CNTNAP2: variants seen among roughly 807,000 people sequenced by gnomAD.
The protein encoded by CNTNAP2 is contactin-associated protein-like 2.
Under a neutral mutation model 155.2 loss-of-function variants are expected in CNTNAP2, and 98 were observed. The ratio of observed to expected loss-of-function variants is 0.63; its 90% CI spans 0.54 to 0.75. The LOEUF is 0.75. CNTNAP2 is among the 30% of genes least tolerant of loss of function. The probability of loss-of-function intolerance (pLI) is 0.00; values close to 1 mark genes in which losing one functional copy is unlikely to be tolerated. For synonymous variants in CNTNAP2, 651 were observed against 631.2 expected, an observed-to-expected ratio of 1.03 and a Z score of -0.47; for missense variants, 1,727 against 1,688.1, an observed-to-expected ratio of 1.02 and a Z score of -0.40.
intron 4 of CNTNAP2, among the ~76,000 whole-genome samples, chr7:147,098,209 A>G (rs1399126082): frequency 6.6e-5 from 10 of 152,044 alleles, no homozygotes; most frequent in Non-Finnish European, 1.3e-4. Flanking sequence ...GCAAACCTGG[A>G]CATGCATTTT....
At chr7:148,002,934 A>C (rs1801922040) in intron 15 of CNTNAP2, among the ~76,000 whole-genome samples, 2 of 152,234 alleles carry the variant, frequency 1.3e-5, no homozygotes, top group Admixed American at 6.5e-5. Context: ...ATTTGTTTAC[A>C]GTTGAACACA....
intron 15 of CNTNAP2, among the ~76,000 whole-genome samples, chr7:148,061,947 A>AT (rs1176790418): frequency 5.4e-4 from 70 of 130,436 alleles, no homozygotes; most frequent in Middle Eastern, 4.0e-3. Context: ...ATAGATAGAT[A>AT]AACAGATATA....
chr7:147,639,102 A>G lies in CNTNAP2; in HGVS notation c.1898-4A>G. The G allele has an allele frequency of 6.2e-7, 1 of 1,614,050 alleles. No individual in the cohort carries two copies. The highest frequency in any genetic ancestry group is 8.5e-7 in the Non-Finnish European group (1 of 1,179,978). On this transcript the variant is annotated splice_region_variant and splice_polypyrimidine_tract_variant and intron_variant, in intron 12 of 23. Coordinates refer to ENST00000361727, the MANE Select transcript of CNTNAP2 (RefSeq NM_014141.6). ...CAGGGTCCTGGTTGTTTTTCTCCCC[A>G]CAGAGGACAAAGTGTGGACCATAGT... is the stretch of plus-strand genomic sequence containing the variant.
At chr7:148,369,113 T>C (rs1286905189) in intron 21 of CNTNAP2, among the ~76,000 whole-genome samples, 4 of 151,726 alleles carry the variant, frequency 2.6e-5, no homozygotes, top group Non-Finnish European at 2.9e-5. Flanking sequence ...TAATACATGG[T>C]AATAACCCCA....
At chr7:146,411,817 T>A (rs896282640) in intron 1 of CNTNAP2, among the ~76,000 whole-genome samples, 1 of 115,312 alleles carries the variant, frequency 8.7e-6, no homozygotes, top group South Asian at 2.2e-4. Flanking sequence ...TATTTTATTT[T>A]ATTTATTTAC....
At chr7:148,344,459 A>G (rs770526184) in intron 21 of CNTNAP2, among the ~76,000 whole-genome samples, 6 of 151,536 alleles carry the variant, frequency 4.0e-5, no homozygotes, top group African/African-American at 7.3e-5. Flanking sequence ...ATCATTTCCT[A>G]TTCCCTCATG....
At chr7:146,524,055 G>A (rs1169230544) in intron 1 of CNTNAP2, among the ~76,000 whole-genome samples, 2 of 152,020 alleles carry the variant, frequency 1.3e-5, no homozygotes, top group African/African-American at 2.4e-5. Context: ...ATATCCCAGG[G>A]CATACTATTA....
At chr7:147,245,925 A>C (rs116600331) in intron 8 of CNTNAP2, among the ~76,000 whole-genome samples, 1 of 150,948 alleles carries the variant, frequency 6.6e-6, no homozygotes, top group African/African-American at 2.4e-5. Context: ...ATATATATGC[A>C]CACATGTATA....
intron 8 of CNTNAP2, among the ~76,000 whole-genome samples, chr7:147,157,257 TG>T (rs559611284): frequency 6.5e-4 from 99 of 152,194 alleles, no homozygotes; most frequent in African/African-American, 2.2e-3. Context: ...ATGGTGATAA[TG>T]GGGGTTTTGA....
chr7:146,478,319 A>C (rs1796909866), intron 1 of CNTNAP2, among the ~76,000 whole-genome samples: 1 of 152,072 alleles, frequency 6.6e-6, no homozygotes, highest in Non-Finnish European at 1.5e-5. Flanking sequence ...GAAAACGAGA[A>C]AAAGAAAACA....
intron 1 of CNTNAP2, among the ~76,000 whole-genome samples, chr7:146,203,569 T>C (rs1421845294): frequency 6.6e-6 from 1 of 152,106 alleles, no homozygotes; most frequent in African/African-American, 2.4e-5. Context: ...ACACTTCTTT[T>C]TGGGTTCTTA....
At chr7:146,883,593 G>A (rs989144621) in intron 3 of CNTNAP2, among the ~76,000 whole-genome samples, 23 of 152,124 alleles carry the variant, frequency 1.5e-4, no homozygotes, top group African/African-American at 5.6e-4. Flanking sequence ...AAATTTAAGT[G>A]TTTCTGTCTC....
chr7:147,131,490 C>T (rs1003534818), intron 7 of CNTNAP2, among the ~76,000 whole-genome samples: 1 of 150,752 alleles, frequency 6.6e-6, no homozygotes, highest in African/African-American at 2.4e-5. Flanking sequence ...TTTGCTTATA[C>T]CAAGGAGGAG....
intron 15 of CNTNAP2, among the ~76,000 whole-genome samples, chr7:148,090,927 T>C (rs999533337): frequency 1.3e-5 from 2 of 152,136 alleles, no homozygotes; most frequent in African/African-American, 4.8e-5. Flanking sequence ...TCCAGCCATA[T>C]GGATGTACCT....
intron 8 of CNTNAP2, among the ~76,000 whole-genome samples, chr7:147,265,306 T>C (rs920188461): frequency 6.6e-6 from 1 of 152,212 alleles, no homozygotes; most frequent in Admixed American, 6.5e-5. Context: ...CAGGCCACCA[T>C]TTTTTCCTCT....
chr7:146,131,100 A>G (rs183065925), intron 1 of CNTNAP2, among the ~76,000 whole-genome samples: 68 of 152,358 alleles, frequency 4.5e-4, no homozygotes, highest in Admixed American at 8.5e-4. Context: ...ATAGTTTCAC[A>G]TAACATTTTT....
chr7:146,533,497 C>A (rs1056802903), intron 1 of CNTNAP2, among the ~76,000 whole-genome samples: 21 of 151,994 alleles, frequency 1.4e-4, no homozygotes, highest in African/African-American at 5.1e-4. Context: ...GAAGGGAGAA[C>A]TAGAGTCTTA....
chr7:146,686,272 G>A (rs2129170770), intron 1 of CNTNAP2, among the ~76,000 whole-genome samples: 1 of 152,076 alleles, frequency 6.6e-6, no homozygotes, highest in East Asian at 1.9e-4. Flanking sequence ...TCCAGCCTGA[G>A]TGACAGAGTG....
intron 15 of CNTNAP2, among the ~76,000 whole-genome samples, chr7:148,099,867 G>GTT (rs1563199177): frequency 2.0e-5 from 2 of 101,880 alleles, no homozygotes; most frequent in African/African-American, 4.9e-5. Context: ...TTTTTTTTTT[G>GTT]GTTTTTTTTT....
Sources: allele counts gnomAD v4.1 joint callset (sites outside exome capture counted in the v4.1 genomes callset), GRCh38; gene constraint gnomAD v4.1.1; transcripts MANE v1.5; gene names NCBI Gene and HGNC (gene_info 2026-07-23, HGNC 2026-07-21).